Variants in LARGE1 observed in about 807,000 individuals in gnomAD.
LARGE1 encodes xylosyl- and glucuronyltransferase LARGE1.
LARGE1 carries 43 observed loss-of-function variants against 87.6 expected under a neutral mutation model. The observed-to-expected ratio is 0.49, with a 90% CI of 0.38 to 0.63. LARGE1 has a LOEUF of 0.63. LARGE1 is among the 30% of genes least tolerant of loss of function. LARGE1 has a pLI of 0.00. For missense variants in LARGE1, 802 were observed against 1,000.2 expected, an observed-to-expected ratio of 0.80 and a Z score of 2.67; for synonymous variants, 434 against 394.6, an observed-to-expected ratio of 1.10 and a Z score of -1.18.
chr22:33,442,914 T>A (rs908615415), intron 6 of LARGE1, among the ~76,000 whole-genome samples: 1 of 151,630 alleles, frequency 6.6e-6, no homozygotes, highest in Admixed American at 6.6e-5. Flanking sequence ...TGCCTCAGCC[T>A]CCCGAGTAGC....
At chr22:33,293,065 CCTCT>C (rs1418258011) in intron 12 of LARGE1, among the ~76,000 whole-genome samples, 3 of 152,200 alleles carry the variant, frequency 2.0e-5, no homozygotes, top group Non-Finnish European at 4.4e-5. Flanking sequence ...GAAGCATACT[CCTCT>C]CTGTGTGCAG....
the LARGE1 span, among the ~76,000 whole-genome samples, chr22:33,100,349 CAAAAAAAAAAAAA>C: frequency 1.5e-5 from 1 of 65,322 alleles, no homozygotes; most frequent in African/African-American, 7.2e-5. Flanking sequence ...GACTCCATCT[CAAAAAAAAAAAAA>C]AAAAAAAAAG....
At chr22:33,783,340 G>A (rs959750559) in intron 1 of LARGE1, among the ~76,000 whole-genome samples, 4 of 152,138 alleles carry the variant, frequency 2.6e-5, no homozygotes, top group African/African-American at 9.7e-5. Flanking sequence ...CTGAGGCGGT[G>A]GATCACCTGA....
intron 1 of LARGE1, among the ~76,000 whole-genome samples, chr22:33,844,612 C>CCAT: frequency 6.6e-6 from 1 of 152,054 alleles, no homozygotes; most frequent in East Asian, 1.9e-4. Flanking sequence ...AAAACAGCTG[C>CCAT]CATGGGGTCT....
intron 2 of LARGE1, among the ~76,000 whole-genome samples, chr22:33,678,235 G>A (rs766443246): frequency 1.3e-5 from 2 of 152,158 alleles, no homozygotes; most frequent in South Asian, 2.1e-4. Context: ...CTTATTTTAC[G>A]TAAAGGGATA....
At chr22:33,764,435 C>G (rs995415232) in intron 1 of LARGE1, among the ~76,000 whole-genome samples, 5 of 152,074 alleles carry the variant, frequency 3.3e-5, no homozygotes, top group African/African-American at 1.2e-4. Context: ...ATACTTTACT[C>G]AAAATCATCT....
intron 1 of LARGE1, among the ~76,000 whole-genome samples, chr22:33,778,285 G>A (rs1296743792): frequency 6.6e-6 from 1 of 152,136 alleles, no homozygotes; most frequent in Non-Finnish European, 1.5e-5. Flanking sequence ...CCCCTGATTT[G>A]AGCCACATAA....
chr22:33,228,363 C>T (rs531635589), intron 11 of LARGE1, among the ~76,000 whole-genome samples: 3 of 152,250 alleles, frequency 2.0e-5, no homozygotes, highest in Non-Finnish European at 4.4e-5. Context: ...CATTGTTAGG[C>T]AAACATTACA....
At chr22:33,574,688 GTGTGTGTGTGT>G (rs2078301335) in intron 5 of LARGE1, among the ~76,000 whole-genome samples, 1 of 200 alleles carries the variant, frequency 5.0e-3, no homozygotes, top group South Asian at 0.17. Flanking sequence ...ATAAACAATT[GTGTGTGTGTGT>G]GTGTGTGTGT....
At chr22:33,372,098 T>C (rs2064831603) in intron 9 of LARGE1, among the ~76,000 whole-genome samples, 1 of 152,132 alleles carries the variant, frequency 6.6e-6, no homozygotes, top group African/African-American at 2.4e-5. Context: ...CTATGTTACA[T>C]TAAATAAAAA....
At chr22:33,546,388 AG>A (rs1400938047) in intron 6 of LARGE1, among the ~76,000 whole-genome samples, 2 of 149,828 alleles carry the variant, frequency 1.3e-5, no homozygotes, top group African/African-American at 4.9e-5. Flanking sequence ...CCAATCAACA[AG>A]GACCGATTTC....
intron 2 of LARGE1, among the ~76,000 whole-genome samples, chr22:33,681,670 T>G (rs2149304626): frequency 6.6e-6 from 1 of 152,366 alleles, no homozygotes; most frequent in South Asian, 2.1e-4. Flanking sequence ...TAGTCTGATT[T>G]AATCCACCAG....
At chr22:33,558,533 G>T (rs1022853318) in intron 6 of LARGE1, among the ~76,000 whole-genome samples, 1 of 152,114 alleles carries the variant, frequency 6.6e-6, no homozygotes, top group Admixed American at 6.5e-5. Flanking sequence ...GTGCAGAAGC[G>T]AGGTCAAGAG....
the LARGE1 span, among the ~76,000 whole-genome samples, chr22:33,089,325 TTC>T: frequency 0.27 from 23,742 of 87,752 alleles, 2,408 homozygotes; most frequent in East Asian, 0.56. Flanking sequence ...TTCTTCTTTC[TTC>T]TTCTTCTTCT....
At chr22:33,757,702 TTTCCATGAA>T (rs2084570595) in intron 2 of LARGE1, among the ~76,000 whole-genome samples, 1 of 152,332 alleles carries the variant, frequency 6.6e-6, no homozygotes, top group South Asian at 2.1e-4. Context: ...ATGAATAGTA[TTTCCATGAA>T]TACAGGCAGC....
chr22:33,384,063 G>C, intron 8 of LARGE1, 129 bp downstream of exon 8: 1 of 774,648 alleles, frequency 1.3e-6, no homozygotes. Context: ...GAATAAGGCA[G>C]CTGTATCAGA....
intron 1 of LARGE1, among the ~76,000 whole-genome samples, chr22:33,889,818 G>T (rs952008638): frequency 1.3e-5 from 2 of 152,240 alleles, no homozygotes; most frequent in Non-Finnish European, 2.9e-5. Flanking sequence ...ATAACTTTCT[G>T]AGTGTTCAAT....
At chr22:33,919,102 GAAAAA>G (rs5845124) in intron 1 of LARGE1, among the ~76,000 whole-genome samples, 1 of 127,374 alleles carries the variant, frequency 7.9e-6, no homozygotes, top group Non-Finnish European at 1.6e-5. Flanking sequence ...GCACAGAGAC[GAAAAA>G]AAAAAAAAAA....
chr22:33,475,628 A>AT (rs2069044832), intron 6 of LARGE1, among the ~76,000 whole-genome samples: 1 of 151,608 alleles, frequency 6.6e-6, no homozygotes, highest in Non-Finnish European at 1.5e-5. Context: ...CACCTGGCTA[A>AT]TTTTTTGTAT....
Sources: allele counts gnomAD v4.1 joint callset (sites outside exome capture counted in the v4.1 genomes callset), GRCh38; gene constraint gnomAD v4.1.1; transcripts MANE v1.5; gene names NCBI Gene and HGNC (gene_info 2026-07-23, HGNC 2026-07-21).